Variants in TGFA observed in about 807,000 individuals in gnomAD.
The protein encoded by TGFA is transforming growth factor alpha, also known as protransforming growth factor alpha.
A neutral mutation model predicts 21.7 loss-of-function variants in TGFA; 12 were observed. That is an observed-to-expected ratio of 0.55 (90% CI 0.35 to 0.90). The LOEUF (loss-of-function observed/expected upper bound fraction) is 0.90, where lower values mean the gene tolerates loss of function less well. Among genes scored for constraint, TGFA ranks in the 40% least tolerant of loss-of-function variants. TGFA has a pLI of 0.01. For synonymous variants in TGFA, 79 were observed against 88.1 expected (o/e 0.90, Z 0.58); for missense variants, 178 against 210.8 (o/e 0.84, Z 0.96).
At chr2:70,467,310 A>G (rs1670597608) in intron 2 of TGFA, 2 of 152,160 alleles carry the variant, frequency 1.3e-5, no homozygotes, top group Admixed American at 6.5e-5. Flanking sequence ...GAGAGGAAAA[A>G]GAGCAGAGTA....
intron 1 of TGFA, among the ~76,000 whole-genome samples, chr2:70,543,645 G>A (rs529533095): frequency 6.6e-6 from 1 of 152,140 alleles, no homozygotes; most frequent in East Asian, 1.9e-4. Flanking sequence ...AATTTGAGTT[G>A]AATAGATTGT....
At chr2:70,533,156 C>T (rs75350284) in intron 1 of TGFA, among the ~76,000 whole-genome samples, 6,003 of 152,262 alleles carry the variant, frequency 0.039, 416 homozygotes, top group African/African-American at 0.14. Flanking sequence ...GCCGCCACGC[C>T]CAGCGGTTTA....
At chr2:70,538,297 C>T (rs1320205898) in intron 1 of TGFA, among the ~76,000 whole-genome samples, 6 of 152,182 alleles carry the variant, frequency 3.9e-5, no homozygotes, top group African/African-American at 9.7e-5. Flanking sequence ...ACACAGCAAC[C>T]ACTATGCGGC....
At chr2:70,487,735 GGGC>G in intron 2 of TGFA, among the ~76,000 whole-genome samples, 1 of 152,254 alleles carries the variant, frequency 6.6e-6, no homozygotes, top group Admixed American at 6.5e-5. Flanking sequence ...TCCTCTTATT[GGGC>G]ATTGTGATAG....
At chr2:70,477,793 A>C (rs1381155419) in intron 2 of TGFA, among the ~76,000 whole-genome samples, 4 of 152,200 alleles carry the variant, frequency 2.6e-5, no homozygotes, top group African/African-American at 9.6e-5. Flanking sequence ...ACATGGAAAG[A>C]AGTCTGCAGG....
chr2:70,495,843 C>T (rs1671557743), intron 2 of TGFA, among the ~76,000 whole-genome samples: 1 of 152,112 alleles, frequency 6.6e-6, no homozygotes, highest in African/African-American at 2.4e-5. Flanking sequence ...TCCCCATTTT[C>T]CCCTCCTGCT....
At chr2:70,550,462 ATAAT>A (rs1218052254) in intron 1 of TGFA, among the ~76,000 whole-genome samples, 2 of 151,744 alleles carry the variant, frequency 1.3e-5, no homozygotes, top group East Asian at 3.9e-4. Flanking sequence ...AAAAAATTAA[ATAAT>A]TAAATAATTA....
At chr2:70,509,515 C>T (rs781793675) in intron 2 of TGFA, among the ~76,000 whole-genome samples, 4 of 152,174 alleles carry the variant, frequency 2.6e-5, no homozygotes, top group Admixed American at 1.3e-4. Context: ...CATGAATAAT[C>T]GCACTGTAAA....
intron 2 of TGFA, among the ~76,000 whole-genome samples, chr2:70,507,458 T>G (rs781885824): frequency 7.9e-5 from 12 of 152,252 alleles, no homozygotes; most frequent in Non-Finnish European, 1.2e-4. Context: ...ATGTGTATTT[T>G]CCCAATCTTT....
intron 2 of TGFA, among the ~76,000 whole-genome samples, chr2:70,499,153 T>A (rs75061492): frequency 0.015 from 2,245 of 152,320 alleles, 56 homozygotes; most frequent in African/African-American, 0.051. Flanking sequence ...CCTCTGAGAT[T>A]TGCATTTGGC....
At chr2:70,553,329 C>G (rs903359729) in intron 1 of TGFA, 113 of 1,497,282 alleles carry the variant, frequency 7.5e-5, no homozygotes, top group Non-Finnish European at 9.6e-5. Flanking sequence ...CGCCGGCCCC[C>G]GTTCCGAGGC....
At chr2:70,456,710 TATC>T (rs1257626921) in intron 3 of TGFA, among the ~76,000 whole-genome samples, 1 of 152,230 alleles carries the variant, frequency 6.6e-6, no homozygotes, top group Non-Finnish European at 1.5e-5. Context: ...TAATCATCCT[TATC>T]ATCTGCGGAG....
At chr2:70,532,805 TC>T (rs1216040095) in intron 1 of TGFA, among the ~76,000 whole-genome samples, 8 of 152,034 alleles carry the variant, frequency 5.3e-5, no homozygotes, top group African/African-American at 1.9e-4. Context: ...AAAGTGCTGT[TC>T]CCTGATTGTA....
At chr2:70,491,174 G>T (rs1312186044) in intron 2 of TGFA, among the ~76,000 whole-genome samples, 1 of 152,222 alleles carries the variant, frequency 6.6e-6, no homozygotes. Flanking sequence ...AGTTTGCTGA[G>T]ATTGGGTCTG....
Position 70,448,584 on chromosome 2 carries a change from T to TATCA in TGFA, c.*2271_*2274dup, listed in dbSNP as rs1198294713. The TATCA allele has an allele frequency of 6.6e-6, 1 of 152,230 alleles. No homozygotes were observed. The highest frequency in any genetic ancestry group is 2.4e-5 in the African/African-American group (1 of 41,466). 9.4% of individuals were successfully genotyped at this position (152,230 alleles called of 1,614,324 possible). A position where few individuals can be genotyped will look rare whatever the true frequency, so the allele number is the denominator to read the frequency against. On this transcript the variant is annotated 3_prime_UTR_variant, in exon 6 of 6. Transcript: ENST00000295400. ...TTAAATGGCAGAGGGATCCAATGCT[T>TATCA]ATCAGTCATTTGATTTCTAGAAGAA... is the stretch of plus-strand genomic sequence containing the variant.
At chr2:70,452,149 C>T (rs1553489740) in intron 5 of TGFA, among the ~76,000 whole-genome samples, 2 of 152,208 alleles carry the variant, frequency 1.3e-5, no homozygotes, top group Non-Finnish European at 2.9e-5. Context: ...AACTTCTGAA[C>T]GCCAACTGTT....
intron 1 of TGFA, among the ~76,000 whole-genome samples, chr2:70,551,457 C>T (rs918189344): frequency 6.6e-6 from 1 of 152,224 alleles, no homozygotes; most frequent in South Asian, 2.1e-4. Context: ...CAGCCAGTTC[C>T]TTCTCAGACT....
At chr2:70,530,860 G>A (rs1559138359) in intron 1 of TGFA, among the ~76,000 whole-genome samples, 1 of 152,212 alleles carries the variant, frequency 6.6e-6, no homozygotes, top group Non-Finnish European at 1.5e-5. Flanking sequence ...GCACGTGCAA[G>A]CTGCAAATGC....
intron 3 of TGFA, among the ~76,000 whole-genome samples, chr2:70,458,710 T>C (rs1441254248): frequency 6.6e-6 from 1 of 152,220 alleles, no homozygotes; most frequent in Non-Finnish European, 1.5e-5. Context: ...CAGACTCGTT[T>C]ACGTTCATTT....
Sources: gnomAD v4.1 joint callset for allele counts (sites outside exome capture counted in the v4.1 genomes callset) on GRCh38, gnomAD v4.1.1 for gene constraint, MANE v1.5 for transcripts, NCBI Gene and HGNC (gene_info 2026-07-23, HGNC 2026-07-21) for gene names.